The following C12orf56 variants were observed in gnomAD, a reference collection of about 807,000 sequenced individuals.
The protein encoded by C12orf56 is chromosome 12 open reading frame 56.
C12orf56 carries 71 observed loss-of-function variants against 69.9 expected under a neutral mutation model. That is an observed-to-expected ratio of 1.02 (90% CI 0.84 to 1.24). C12orf56 has a LOEUF of 1.24. Among genes scored for constraint, C12orf56 ranks in the 50% most tolerant of loss-of-function variants. The pLI, the probability that C12orf56 is intolerant of heterozygous loss-of-function variation, is 0.00. For missense variants in C12orf56, 732 were observed against 738.5 expected (o/e 0.99, Z 0.10); for synonymous variants, 276 against 274.1 (o/e 1.01, Z -0.07).
chr12:64,366,792 C>T (rs1416006101), intron 1 of C12orf56, among the ~76,000 whole-genome samples: 1 of 56,172 alleles, frequency 1.8e-5, no homozygotes, highest in Non-Finnish European at 2.9e-5. Context: ...ATATAACATA[C>T]AGTTTATATA....
chr12:64,299,036 G>C (rs1304549629), intron 6 of C12orf56, among the ~76,000 whole-genome samples: 2 of 152,144 alleles, frequency 1.3e-5, no homozygotes, highest in African/African-American at 2.4e-5. Context: ...TTTTCCATTT[G>C]TTTGTGTCCT....
In C12orf56 at chr12:64,277,667, A is replaced by G. The variant is rs1420353619; in HGVS notation, c.1434+13T>C. 1 of 1,471,738 alleles carries G rather than the reference A, an allele frequency of 6.8e-7. No homozygotes were observed. The highest frequency in any genetic ancestry group is 9.0e-7 in the Non-Finnish European group (1 of 1,107,582). 91.2% of individuals were successfully genotyped at this position (1,471,738 alleles called of 1,614,324 possible). ...ATATATATAATAGTTTACCCCCCAA[A>G]TTCTCATCTCACCTCAGCGTCAAAA... On this transcript the variant is annotated intron_variant, in intron 9 of 12. Coordinates refer to ENST00000543942, the MANE Select transcript of C12orf56 (RefSeq NM_001170633.2).
At chr12:64,362,737 G>T (rs1334751170) in intron 1 of C12orf56, among the ~76,000 whole-genome samples, 1 of 152,050 alleles carries the variant, frequency 6.6e-6, no homozygotes, top group Non-Finnish European at 1.5e-5. Context: ...TACTCCACAG[G>T]CTACTCCATA....
At chr12:64,386,944 T>G (rs1348237032) in intron 1 of C12orf56, among the ~76,000 whole-genome samples, 1 of 151,394 alleles carries the variant, frequency 6.6e-6, no homozygotes, top group Non-Finnish European at 1.5e-5. Flanking sequence ...CCGGGCATGG[T>G]GGTGCGTGCC....
chr12:64,325,969 G>A (rs1300471399), intron 3 of C12orf56, among the ~76,000 whole-genome samples: 6 of 152,080 alleles, frequency 3.9e-5, no homozygotes, highest in African/African-American at 1.4e-4. Context: ...CTATATATAT[G>A]GGTATAAACC....
At chr12:64,344,932 C>A (rs186821612) in intron 2 of C12orf56, among the ~76,000 whole-genome samples, 243 of 152,106 alleles carry the variant, frequency 1.6e-3, no homozygotes, top group African/African-American at 5.5e-3. Context: ...CTATTAGAAC[C>A]TTTTTTAACT....
At position 64,390,349 on chromosome 12, in the gene C12orf56, C is replaced by G. The variant is rs753386492; in HGVS notation, c.217G>C (p.Val73Leu). ...TENPPKSIRR[V>L]VALRDVVAID... ...GCCACGACGTCCCGCAGAGCCACTA[C>G]CCGCCGGATGGACTTGGGCGGGTTC... The change falls in exon 1 of 13, where the codon GTA (valine) becomes CTA (leucine). Residue 73 changes from valine (V) to leucine (L), a missense_variant. By Grantham distance (32) the Val-to-Leu change is conservative. Coordinates refer to ENST00000543942, the MANE Select transcript of C12orf56 (RefSeq NM_001170633.2). 3.3e-5 allele frequency: 54 copies of G among 1,612,256 alleles called. No individual in the cohort carries two copies. The highest frequency in any genetic ancestry group is 4.2e-5 in the Non-Finnish European group (49 of 1,179,588).
intron 2 of C12orf56, among the ~76,000 whole-genome samples, chr12:64,344,936 T>A (rs1162149091): frequency 2.6e-5 from 4 of 152,130 alleles, no homozygotes; most frequent in Non-Finnish European, 5.9e-5. Flanking sequence ...TAGAACCTTT[T>A]TTAACTCCCT....
At chr12:64,357,106 TA>T (rs1253193336) in intron 1 of C12orf56, among the ~76,000 whole-genome samples, 41 of 143,516 alleles carry the variant, frequency 2.9e-4, no homozygotes, top group African/African-American at 5.4e-4. Context: ...AGCAGGCTCC[TA>T]AAAAAAAAAA....
At chr12:64,308,928 GA>G (rs1304575169) in intron 5 of C12orf56, among the ~76,000 whole-genome samples, 1,303 of 37,838 alleles carry the variant, frequency 0.034, 6 homozygotes, top group Non-Finnish European at 0.047. Flanking sequence ...AAGAAAGAAA[GA>G]AAGAAAGAAA....
At chr12:64,293,093 CG>C (rs1328427186) in intron 6 of C12orf56, among the ~76,000 whole-genome samples, 2 of 152,160 alleles carry the variant, frequency 1.3e-5, no homozygotes, top group Admixed American at 1.3e-4. Context: ...GCGCAGTATT[CG>C]GGTGGGAGTG....
chr12:64,267,521 C>A, intron 12 of C12orf56: 1 of 527,380 alleles, frequency 1.9e-6, no homozygotes, highest in East Asian at 3.4e-5. Flanking sequence ...AAATCTCTGA[C>A]ATGTGGACTG....
chr12:64,286,127 T>G, intron 6 of C12orf56, 67 bp from the exon 7 acceptor site: 1 of 952,546 alleles, frequency 1.0e-6, no homozygotes. Flanking sequence ...TCTACTCTCA[T>G]GTACTAAAAA....
At chr12:64,365,854 T>A (rs1360592344) in intron 1 of C12orf56, among the ~76,000 whole-genome samples, 3 of 137,356 alleles carry the variant, frequency 2.2e-5, no homozygotes, top group African/African-American at 8.1e-5. Context: ...TATATTGTAT[T>A]ATATATAGTG....
chr12:64,287,255 AAAAAAAAAG>A lies in C12orf56; in HGVS notation c.1114-1204_1114-1196del, dbSNP rs1343321371. On this transcript the variant is annotated intron_variant, in intron 6 of 12. Coordinates refer to ENST00000543942, the MANE Select transcript of C12orf56 (RefSeq NM_001170633.2). The stretch of plus-strand genomic sequence containing the variant: ...AGTGAGACTCCATCAAAAAAAAAAA[AAAAAAAAAG>A]AAGAAGAAGAAGAAGAAGAAGAAGA... Among the ~76,000 whole-genome samples the A allele has an allele frequency of 6.4e-5, 9 of 140,426 alleles. No individual in the cohort carries two copies. In the East Asian group the frequency reaches 1.6e-3, roughly 25 times the overall value. The allele number at this position is 140,426 out of a possible 152,430, so 92.1% of individuals were successfully genotyped here.
At chr12:64,302,348 G>A (rs1276774749) in intron 6 of C12orf56, among the ~76,000 whole-genome samples, 1 of 152,088 alleles carries the variant, frequency 6.6e-6, no homozygotes, top group Non-Finnish European at 1.5e-5. Flanking sequence ...GATTTGCTTG[G>A]AACTGTTCTA....
At chr12:64,378,230 T>C (rs1446629540) in intron 1 of C12orf56, among the ~76,000 whole-genome samples, 1 of 152,216 alleles carries the variant, frequency 6.6e-6, no homozygotes, top group Non-Finnish European at 1.5e-5. Flanking sequence ...TCCTGTCCCC[T>C]TTTAAGTTAG....
chr12:64,295,872 A>C (rs188346159), intron 6 of C12orf56, among the ~76,000 whole-genome samples: 35 of 151,826 alleles, frequency 2.3e-4, no homozygotes, highest in Non-Finnish European at 4.6e-4. Context: ...TTATATCCAT[A>C]ATATGTACAT....
chr12:64,331,321 C>T (rs937249095), intron 2 of C12orf56, among the ~76,000 whole-genome samples: 1 of 151,940 alleles, frequency 6.6e-6, no homozygotes, highest in African/African-American at 2.4e-5. Context: ...GGCAACATAA[C>T]GAGATGTCAT....
Sources: allele counts gnomAD v4.1 joint callset (sites outside exome capture counted in the v4.1 genomes callset), GRCh38; gene constraint gnomAD v4.1.1; transcripts MANE v1.5; gene names NCBI Gene and HGNC (gene_info 2026-07-23, HGNC 2026-07-21).